The following AIFM2 variants were observed in gnomAD, a reference collection of about 807,000 sequenced individuals.
AIFM2 encodes AIF family member 2, ferroptosis suppressor, also known as ferroptosis suppressor protein 1.
Under a neutral mutation model 35.7 loss-of-function variants are expected in AIFM2, and 38 were observed. That is an observed-to-expected ratio of 1.06 (90% CI 0.82 to 1.39). The LOEUF (loss-of-function observed/expected upper bound fraction) is 1.39, where lower values mean the gene tolerates loss of function less well. AIFM2 is among the 40% of genes most tolerant of loss of function. The probability of loss-of-function intolerance (pLI) is 0.00; values close to 1 mark genes in which losing one functional copy is unlikely to be tolerated. For missense variants in AIFM2, 476 were observed against 491.2 expected, an observed-to-expected ratio of 0.97 and a Z score of 0.29; for synonymous variants, 185 against 203.5, an observed-to-expected ratio of 0.91 and a Z score of 0.77.
intron 7 of AIFM2, 58 bp from the exon 8 acceptor site, chr10:70,115,178 C>G: frequency 6.3e-7 from 1 of 1,577,854 alleles, no homozygotes; most frequent in Non-Finnish European, 8.6e-7. Flanking sequence ...AAGTGGCCAC[C>G]AGGAGGAGGA....
intron 5 of AIFM2, among the ~76,000 whole-genome samples, chr10:70,119,957 T>C (rs1390572870): frequency 6.6e-6 from 1 of 152,212 alleles, no homozygotes; most frequent in Non-Finnish European, 1.5e-5. Context: ...TTCCCACCCA[T>C]GGGCAGAAGG....
At chr10:70,125,496 T>C (rs1283680181) in intron 1 of AIFM2, among the ~76,000 whole-genome samples, 2 of 134,284 alleles carry the variant, frequency 1.5e-5, no homozygotes, top group South Asian at 5.1e-4. Flanking sequence ...TGGGCACCTA[T>C]AGGCCCCGCT....
In AIFM2 at chr10:70,120,579, G is replaced by A. The variant is rs747507746; in HGVS notation, c.435C>T (p.Ile145=). ...MVRQVQRSRF[I]VVVGGGSAGV... is the part of the protein sequence containing the mutation. ...CAGCCGAGCCTCCTCCCACCACCAC[G>A]ATGAACCGTGAGCGCTGGACCTGGA... The change falls in exon 5 of 9, where the codon ATC becomes ATT. Residue 145 remains isoleucine (I), a synonymous_variant. Transcript: ENST00000307864. 13 of 1,613,946 alleles carry A rather than the reference G, an allele frequency of 8.1e-6. 1 individual carries two copies. The highest frequency in any genetic ancestry group is 3.3e-5 in the Admixed American group (2 of 60,004).
At chr10:70,119,541 T>G (rs1467027345) in intron 5 of AIFM2, among the ~76,000 whole-genome samples, 1 of 152,148 alleles carries the variant, frequency 6.6e-6, no homozygotes, top group African/African-American at 2.4e-5. Flanking sequence ...ATCCCAGAAG[T>G]GTGGAGTGAG....
chr10:70,115,163 G>A (rs1449714330), intron 7 of AIFM2, 43 bp from the exon 8 acceptor site: 2 of 1,598,696 alleles, frequency 1.3e-6, no homozygotes, highest in East Asian at 2.2e-5. Flanking sequence ...CTGAGCTGCT[G>A]TGTTAAGTGG....
rs2136654218 is a variant in AIFM2 at position 70,117,660 on chromosome 10, T to C, written c.616+152A>G. 2 of 574,248 alleles carry C rather than the reference T, an allele frequency of 3.5e-6. No homozygotes were observed. The highest frequency in any genetic ancestry group is 6.6e-5 in the East Asian group (2 of 30,262). The allele number at this position is 574,248 out of a possible 1,614,324, so 35.6% of individuals were successfully genotyped here. A position where few individuals can be genotyped will look rare whatever the true frequency, so the allele number is the denominator to read the frequency against. ...GGGCTTTGATGTTCACGGCCTCTTC[T>C]GAGCGCTTCATGCTCCACCCCAGGA... On this transcript the variant is annotated intron_variant, in intron 6 of 8. Coordinates refer to ENST00000307864, the MANE Select transcript of AIFM2 (RefSeq NM_032797.6). The surrounding 1 kb of genome is among the most constrained non-coding windows in gnomAD (Gnocchi z 4.7).
chr10:70,132,354 C>T (rs1476772976), intron 1 of AIFM2, among the ~76,000 whole-genome samples: 1 of 152,332 alleles, frequency 6.6e-6, no homozygotes. Flanking sequence ...GCCGCTTCTA[C>T]CCAGCGGACC....
intron 8 of AIFM2, 87 bp from the exon 9 acceptor site, chr10:70,114,416 T>G: frequency 5.2e-6 from 8 of 1,526,040 alleles, no homozygotes; most frequent in Non-Finnish European, 7.1e-6. Flanking sequence ...CCCGAGGCCT[T>G]CAGACTCAGG....
chr10:70,122,369 C>G (rs1464746084), intron 3 of AIFM2, among the ~76,000 whole-genome samples: 1 of 152,152 alleles, frequency 6.6e-6, no homozygotes, highest in African/African-American at 2.4e-5. Flanking sequence ...CCCATTAATT[C>G]AAGAAGGGCT....
chr10:70,124,496 G>C (rs1311025929), intron 1 of AIFM2, among the ~76,000 whole-genome samples: 1 of 152,210 alleles, frequency 6.6e-6, no homozygotes, highest in Non-Finnish European at 1.5e-5. Context: ...GGAAAAAAAA[G>C]ACTTTTGAAG....
intron 7 of AIFM2, 80 bp downstream of exon 7, chr10:70,116,542 G>T: frequency 2.6e-6 from 4 of 1,563,390 alleles, no homozygotes; most frequent in Non-Finnish European, 1.8e-6. Context: ...GTGGACTCCT[G>T]GGGGCAAGCA....
intron 8 of AIFM2, 197 bp downstream of exon 8, chr10:70,114,723 C>T (rs1260924037): frequency 2.1e-5 from 14 of 653,680 alleles, no homozygotes; most frequent in Non-Finnish European, 5.1e-6. Flanking sequence ...ATCTGCCCGC[C>T]TCGGCCTCCC....
chr10:70,126,128 G>A (rs1301514206), intron 1 of AIFM2, among the ~76,000 whole-genome samples: 2 of 152,264 alleles, frequency 1.3e-5, no homozygotes, highest in African/African-American at 4.8e-5. Flanking sequence ...CAGGCAGAGG[G>A]CTGCTGGTGT....
At chr10:70,125,321 CT>C (rs2072552745) in intron 1 of AIFM2, among the ~76,000 whole-genome samples, 1 of 151,496 alleles carries the variant, frequency 6.6e-6, no homozygotes, top group South Asian at 2.1e-4. Context: ...AGAGATGGGG[CT>C]GGGTGTAGCA....
In AIFM2 at chr10:70,117,946, T is replaced by G. The variant is rs761801372; in HGVS notation, c.508-26A>C. On this transcript the variant is annotated intron_variant, in intron 5 of 8. Coordinates refer to ENST00000307864, the MANE Select transcript of AIFM2 (RefSeq NM_032797.6). This position sits in a 1 kb window ranked among gnomAD's most constrained non-coding sequence, Gnocchi z 4.7. ...CTGAGGACAAAACGACCACAGGGCC[T>G]GAGAAGGAGCCCCCAAGTCTTCAAA... 1.3e-6 allele frequency: 2 copies of G among 1,544,130 alleles called. No individual in the cohort carries two copies. The highest frequency in any genetic ancestry group is 1.8e-6 in the Non-Finnish European group (2 of 1,121,804).
At chr10:70,128,447 C>A (rs187621723) in intron 1 of AIFM2, among the ~76,000 whole-genome samples, 2 of 152,364 alleles carry the variant, frequency 1.3e-5, no homozygotes, top group Non-Finnish European at 2.9e-5. Flanking sequence ...CAACATCTGC[C>A]TCCTGAGTTC....
chr10:70,129,974 C>T (rs2072610875), intron 1 of AIFM2, among the ~76,000 whole-genome samples: 2 of 152,058 alleles, frequency 1.3e-5, no homozygotes, highest in South Asian at 2.1e-4. Context: ...GCTTGAGCTC[C>T]GGAGTTCCAG....
chr10:70,114,273 C>T lies in AIFM2; in HGVS notation c.1027G>A (p.Gly343Ser), dbSNP rs1160104738. 1 of 1,613,978 alleles carries T rather than the reference C, an allele frequency of 6.2e-7. No individual in the cohort carries two copies. The highest frequency in any genetic ancestry group is 8.5e-7 in the Non-Finnish European group (1 of 1,180,014). The change falls in exon 9 of 9, where the codon GGC (glycine) becomes AGC (serine). Residue 343 changes from glycine (G) to serine (S), a missense_variant. Coordinates refer to ENST00000307864, the MANE Select transcript of AIFM2 (RefSeq NM_032797.6). ...ACCATGAGCCGGCCCACATAGAAGC[C>T]ACTGATTTGGCCCACACCGTCATTT... is the stretch of plus-strand genomic sequence containing the variant. ...GRNDGVGQIS[G>S]FYVGRLMVRL...
At chr10:70,123,079 G>A (rs2072526710) in intron 3 of AIFM2, among the ~76,000 whole-genome samples, 1 of 152,126 alleles carries the variant, frequency 6.6e-6, no homozygotes, top group South Asian at 2.1e-4. Flanking sequence ...AGACTGGAGT[G>A]CAGTGGTGCA....
Sources: gnomAD v4.1 joint callset for allele counts (sites outside exome capture counted in the v4.1 genomes callset) on GRCh38, gnomAD v4.1.1 for gene constraint, Gnocchi (gnomAD v3.1) non-coding constraint, MANE v1.5 for transcripts, NCBI Gene and HGNC (gene_info 2026-07-23, HGNC 2026-07-21) for gene names.